Variants in CLNK observed in about 807,000 individuals in gnomAD.
CLNK encodes the protein cytokine-dependent hematopoietic cell linker.
A neutral mutation model predicts 68.6 loss-of-function variants in CLNK; 74 were observed. That is an observed-to-expected ratio of 1.08 (90% CI 0.89 to 1.31). The LOEUF (loss-of-function observed/expected upper bound fraction) is 1.31. CLNK is among the 50% of genes most tolerant of loss of function. The probability of loss-of-function intolerance (pLI) is 0.00; values close to 1 mark genes in which losing one functional copy is unlikely to be tolerated. For synonymous variants in CLNK, 198 were observed against 172.2 expected, an observed-to-expected ratio of 1.15 and a Z score of -1.17; for missense variants, 553 against 515.3, an observed-to-expected ratio of 1.07 and a Z score of -0.71.
intron 15 of CLNK, among the ~76,000 whole-genome samples, chr4:10,520,038 C>CA (rs201646573): frequency 1.1e-4 from 1 of 9,336 alleles, no homozygotes; most frequent in African/African-American, 2.5e-4. Flanking sequence ...CAGGCTTAAG[C>CA]CCCCTTTTTT....
chr4:10,635,302 G>T (rs1270077536), intron 2 of CLNK, among the ~76,000 whole-genome samples: 1 of 152,064 alleles, frequency 6.6e-6, no homozygotes, highest in Non-Finnish European at 1.5e-5. Flanking sequence ...CACATGTTCT[G>T]CCTCTCCTGA....
intron 7 of CLNK, among the ~76,000 whole-genome samples, chr4:10,563,733 C>A (rs1719988423): frequency 6.6e-6 from 1 of 152,028 alleles, no homozygotes; most frequent in African/African-American, 2.4e-5. Flanking sequence ...ATGGTGAAAT[C>A]CCATCTCTAC....
chr4:10,558,823 A>G (rs914879284), intron 7 of CLNK, among the ~76,000 whole-genome samples: 4 of 152,196 alleles, frequency 2.6e-5, no homozygotes, highest in Admixed American at 2.6e-4. Context: ...GGGATCAGGT[A>G]CATGAAAGCA....
At chr4:10,656,761 G>C (rs1051908236) in intron 2 of CLNK, among the ~76,000 whole-genome samples, 3 of 152,124 alleles carry the variant, frequency 2.0e-5, no homozygotes, top group Non-Finnish European at 2.9e-5. Context: ...AAACTGGATT[G>C]TTCTTAACAG....
chr4:10,530,279 C>A (rs534061692), intron 12 of CLNK, among the ~76,000 whole-genome samples: 1 of 152,246 alleles, frequency 6.6e-6, no homozygotes, highest in Admixed American at 6.5e-5. Context: ...CAAAATGAGA[C>A]AATGAGTCTT....
intron 2 of CLNK, among the ~76,000 whole-genome samples, chr4:10,636,424 T>G (rs535405026): frequency 6.6e-6 from 1 of 152,294 alleles, no homozygotes; most frequent in South Asian, 2.1e-4. Flanking sequence ...CAGCAAATAC[T>G]GGAAGATACG....
intron 2 of CLNK, among the ~76,000 whole-genome samples, chr4:10,601,048 T>C (rs941685548): frequency 6.6e-6 from 1 of 152,214 alleles, no homozygotes; most frequent in African/African-American, 2.4e-5. Context: ...ACTCAAACTC[T>C]CTTTTTATTT....
intron 2 of CLNK, among the ~76,000 whole-genome samples, chr4:10,625,811 G>A (rs775864578): frequency 2.6e-5 from 4 of 152,180 alleles, no homozygotes; most frequent in African/African-American, 9.7e-5. Context: ...GCAGAAACTG[G>A]TTCTGTTACC....
At chr4:10,639,279 G>T (rs1217961418) in intron 2 of CLNK, among the ~76,000 whole-genome samples, 1 of 152,260 alleles carries the variant, frequency 6.6e-6, no homozygotes, top group Non-Finnish European at 1.5e-5. Flanking sequence ...GCTGGTGACA[G>T]AAATTGTTTA....
intron 8 of CLNK, among the ~76,000 whole-genome samples, chr4:10,557,076 A>AAAATAAATAAATAAATAAATAAAT (rs145622246): frequency 7.1e-6 from 1 of 139,996 alleles, no homozygotes; most frequent in African/African-American, 2.7e-5. Flanking sequence ...ACTCTGTCTC[A>AAAATAAATAAATAAATAAATAAAT]AAATAAATAA....
At position 10,584,922 on chromosome 4, in the gene CLNK, C is replaced by G. The variant is rs758783329; in HGVS notation, c.112+5G>C. 1 of 1,613,538 alleles carries G rather than the reference C, an allele frequency of 6.2e-7. No individual in the cohort carries two copies. Among genetic ancestry groups the G allele is most frequent in the African/African-American group, 1.3e-5 (1 of 74,902 alleles). On this transcript the variant is annotated splice_donor_5th_base_variant and intron_variant, in intron 4 of 18. Coordinates refer to ENST00000226951, the MANE Select transcript of CLNK (RefSeq NM_052964.4). ...CCACTTAGGTGACAGAGAGCCCCGA[C>G]TCACCTGTGGCACTATTGATGCGAG...
At chr4:10,682,412 C>T (rs945125780) in intron 1 of CLNK, among the ~76,000 whole-genome samples, 1 of 152,122 alleles carries the variant, frequency 6.6e-6, no homozygotes, top group East Asian at 1.9e-4. Context: ...TATAACTGCT[C>T]CATGTACTAG....
At chr4:10,703,922 A>G in the CLNK span, among the ~76,000 whole-genome samples, 2 of 152,238 alleles carry the variant, frequency 1.3e-5, no homozygotes, top group Non-Finnish European at 2.9e-5. Flanking sequence ...CATGTGGTGC[A>G]TGATGTATTT....
chr4:10,575,401 C>G (rs902847395), intron 4 of CLNK, among the ~76,000 whole-genome samples: 12 of 152,242 alleles, frequency 7.9e-5, no homozygotes, highest in Non-Finnish European at 1.8e-4. Context: ...CACCATCCAA[C>G]TGTGTCTGAA....
At chr4:10,727,496 G>T in the CLNK span, among the ~76,000 whole-genome samples, 1 of 152,226 alleles carries the variant, frequency 6.6e-6, no homozygotes, top group Non-Finnish European at 1.5e-5. Context: ...TTCCTCCTCT[G>T]TTAAATGGGG....
At chr4:10,676,388 G>A (rs1047607593) in intron 1 of CLNK, among the ~76,000 whole-genome samples, 1 of 88,018 alleles carries the variant, frequency 1.1e-5, no homozygotes, top group East Asian at 3.8e-4. Flanking sequence ...TGTTATTATA[G>A]ATTTCTTTTT....
intron 8 of CLNK, among the ~76,000 whole-genome samples, chr4:10,555,790 G>A (rs1245379676): frequency 2.0e-5 from 3 of 152,112 alleles, no homozygotes; most frequent in Non-Finnish European, 2.9e-5. Context: ...ACAGAATTTT[G>A]TAATAAACAC....
intron 18 of CLNK, 32 bp from the exon 19 acceptor site, chr4:10,490,645 TAAAA>T (rs1716530719): frequency 6.5e-7 from 1 of 1,536,720 alleles, no homozygotes; most frequent in African/African-American, 1.4e-5. Flanking sequence ...TAATGACTTT[TAAAA>T]TATCTTTTGT....
At chr4:10,680,176 A>G (rs953647208) in intron 1 of CLNK, among the ~76,000 whole-genome samples, 1 of 152,148 alleles carries the variant, frequency 6.6e-6, no homozygotes, top group African/African-American at 2.4e-5. Flanking sequence ...ATCATGGAAT[A>G]CTATGCAGCC....
Sources: gnomAD v4.1 joint callset for allele counts (sites outside exome capture counted in the v4.1 genomes callset) on GRCh38, gnomAD v4.1.1 for gene constraint, MANE v1.5 for transcripts, NCBI Gene and HGNC (gene_info 2026-07-23, HGNC 2026-07-21) for gene names.